The following FAM135B variants were observed in gnomAD, a reference collection of about 807,000 sequenced individuals.
FAM135B encodes the protein protein FAM135B.
FAM135B carries 43 observed loss-of-function variants against 127.7 expected under a neutral mutation model. That is an observed-to-expected ratio of 0.34 (90% CI 0.26 to 0.43). The LOEUF (loss-of-function observed/expected upper bound fraction) is 0.43, where lower values mean the gene tolerates loss of function less well. Among genes scored for constraint, FAM135B ranks in the 20% least tolerant of loss-of-function variants. The pLI is 1.00. For synonymous variants in FAM135B, 670 were observed against 665.1 expected (o/e 1.01, Z -0.11); for missense variants, 1,558 against 1,725.6 (o/e 0.90, Z 1.72).
chr8:138,404,539 A>T (rs1833342377), intron 1 of FAM135B, among the ~76,000 whole-genome samples: 1 of 152,196 alleles, frequency 6.6e-6, no homozygotes, highest in South Asian at 2.1e-4. Context: ...ATGCTTGCTA[A>T]CATTTTACCC....
chr8:138,200,936 A>G (rs999103076), intron 7 of FAM135B, among the ~76,000 whole-genome samples: 4 of 152,216 alleles, frequency 2.6e-5, no homozygotes, highest in African/African-American at 9.6e-5. Flanking sequence ...AGCAGCAGAA[A>G]TTTTGTTTCT....
At chr8:138,473,821 T>C (rs1392874439) in intron 1 of FAM135B, among the ~76,000 whole-genome samples, 1 of 149,530 alleles carries the variant, frequency 6.7e-6, no homozygotes, top group Non-Finnish European at 1.5e-5. Flanking sequence ...TATCCACTCA[T>C]ATGAGAGACA....
chr8:138,179,774 G>C (rs1468652302), intron 9 of FAM135B, among the ~76,000 whole-genome samples: 1 of 152,078 alleles, frequency 6.6e-6, no homozygotes, highest in Non-Finnish European at 1.5e-5. Flanking sequence ...GCTCACTGCA[G>C]CCTCGAATTC....
chr8:138,155,631 A>C (rs13270283), intron 12 of FAM135B, among the ~76,000 whole-genome samples: 105,378 of 151,884 alleles, frequency 0.69, 36,587 homozygotes, highest in East Asian at 0.77. Context: ...ACAAAAAAAA[A>C]CAGGGGTTGC....
At chr8:138,497,425 G>C (rs1489737138), upstream of FAM135B, among the ~76,000 whole-genome samples, 2 of 151,644 alleles carry the variant, frequency 1.3e-5, no homozygotes, top group Non-Finnish European at 2.9e-5. Flanking sequence ...CAGACTGACC[G>C]GCGCGAGCAT....
chr8:138,386,612 T>C (rs1322087726), intron 1 of FAM135B, among the ~76,000 whole-genome samples: 1 of 152,252 alleles, frequency 6.6e-6, no homozygotes. Context: ...TTACACTTTA[T>C]ACTGGCCTAG....
At chr8:138,476,471 ATCTC>A (rs904959370) in intron 1 of FAM135B, among the ~76,000 whole-genome samples, 3 of 146,850 alleles carry the variant, frequency 2.0e-5, no homozygotes, top group Non-Finnish European at 3.0e-5. Flanking sequence ...GATGTGGGGT[ATCTC>A]TCTATTTTTT....
chr8:138,451,161 G>A (rs1836459628), intron 1 of FAM135B, among the ~76,000 whole-genome samples: 1 of 152,096 alleles, frequency 6.6e-6, no homozygotes, highest in Non-Finnish European at 1.5e-5. Flanking sequence ...CTGCCCCTTA[G>A]CCTCAGGGGT....
chr8:138,147,454 T>A (rs2130675477), intron 14 of FAM135B, among the ~76,000 whole-genome samples: 1 of 152,328 alleles, frequency 6.6e-6, no homozygotes, highest in African/African-American at 2.4e-5. Flanking sequence ...TTTATAAGAA[T>A]ACGAATCTTG....
intron 2 of FAM135B, among the ~76,000 whole-genome samples, chr8:138,331,333 G>T (rs1828160065): frequency 6.6e-6 from 1 of 152,212 alleles, no homozygotes; most frequent in African/African-American, 2.4e-5. Flanking sequence ...TATCAATAAT[G>T]TGTAAACCCC....
At chr8:138,174,645 G>A (rs1043800384) in intron 11 of FAM135B, among the ~76,000 whole-genome samples, 2 of 152,124 alleles carry the variant, frequency 1.3e-5, no homozygotes, top group African/African-American at 4.8e-5. Context: ...ACTATTTACT[G>A]AATGCTTACA....
intron 2 of FAM135B, 23 bp downstream of exon 2, chr8:138,367,884 C>T (rs371765762): frequency 3.9e-5 from 61 of 1,554,752 alleles, no homozygotes; most frequent in African/African-American, 2.7e-5. Flanking sequence ...CACACACACA[C>T]ACAAATTGTA....
chr8:138,335,519 C>T (rs957092659), intron 2 of FAM135B, among the ~76,000 whole-genome samples: 2 of 152,158 alleles, frequency 1.3e-5, no homozygotes, highest in Admixed American at 6.5e-5. Context: ...AAGTCCATTA[C>T]ATAATGGTAA....
At chr8:138,204,283 G>C (rs1817387221) in intron 7 of FAM135B, among the ~76,000 whole-genome samples, 1 of 152,160 alleles carries the variant, frequency 6.6e-6, no homozygotes, top group Non-Finnish European at 1.5e-5. Context: ...ACATCACCAA[G>C]ATGCAGGTCA....
At chr8:138,445,269 C>T (rs202155633) in intron 1 of FAM135B, among the ~76,000 whole-genome samples, 24 of 151,960 alleles carry the variant, frequency 1.6e-4, no homozygotes, top group South Asian at 1.2e-3. Context: ...TTCCAATCAA[C>T]AGAAAAAGAG....
Position 138,138,930 on chromosome 8 carries a change from AGG to A in FAM135B, c.3901+54_3901+55del, listed in dbSNP as rs1563671779. 5 of 1,060,440 alleles carry A rather than the reference AGG, an allele frequency of 4.7e-6. No homozygotes were observed. In the Admixed American group the frequency reaches 8.5e-5, roughly 18 times the overall value. 65.7% of individuals were successfully genotyped at this position (1,060,440 alleles called of 1,614,324 possible). A position where few individuals can be genotyped will look rare whatever the true frequency, so the allele number is the denominator to read the frequency against. Reference sequence around the variant, plus strand: ...TAGCATTATATCTCATTTGTGTCTCAGGAGTTGAATCCCAAGCTCAAACTCAT... The same window carrying A: ...TAGCATTATATCTCATTTGTGTCTCAAGTTGAATCCCAAGCTCAAACTCAT... On this transcript the variant is annotated intron_variant, in intron 18 of 19. Transcript: ENST00000395297.
intron 1 of FAM135B, chr8:138,440,449 A>G (rs530357402): frequency 2.9e-4 from 33 of 115,140 alleles, no homozygotes; most frequent in Admixed American, 6.2e-4. Flanking sequence ...CAGATAATAC[A>G]TACAAAAGTC....
At chr8:138,484,279 C>T (rs1285698144) in intron 1 of FAM135B, among the ~76,000 whole-genome samples, 1 of 152,086 alleles carries the variant, frequency 6.6e-6, no homozygotes, top group South Asian at 2.1e-4. Flanking sequence ...AGCTGGGTGG[C>T]TAAAGGCAAG....
chr8:138,437,698 A>T (rs1315112849), intron 1 of FAM135B: 3 of 152,188 alleles, frequency 2.0e-5, no homozygotes, highest in African/African-American at 7.2e-5. Context: ...TTTCAAACTG[A>T]GTGTCCAGGG....
Sources: gnomAD v4.1 joint callset for allele counts (sites outside exome capture counted in the v4.1 genomes callset) on GRCh38, gnomAD v4.1.1 for gene constraint, MANE v1.5 for transcripts, NCBI Gene and HGNC (gene_info 2026-07-23, HGNC 2026-07-21) for gene names.